CYRIB: variants seen among roughly 807,000 people sequenced by gnomAD.
CYRIB encodes the protein CYFIP related Rac1 interactor B.
Under a neutral mutation model 44.2 loss-of-function variants are expected in CYRIB, and 8 were observed. The ratio of observed to expected loss-of-function variants is 0.18; its 90% confidence interval spans 0.11 to 0.33. The LOEUF (loss-of-function observed/expected upper bound fraction) is 0.33, where lower values mean the gene tolerates loss of function less well. Among genes scored for constraint, CYRIB ranks in the 10% least tolerant of loss-of-function variants. CYRIB has a pLI of 1.00. For missense variants in CYRIB, 185 were observed against 382.8 expected (o/e 0.48, Z 4.31); for synonymous variants, 131 against 127.2 (o/e 1.03, Z -0.20).
rs12677115 is a variant in CYRIB, at chr8:129,845,660, G to A, written c.911+1144C>T. Among the ~76,000 whole-genome samples, 21 of 151,980 alleles carry A rather than the reference G, an allele frequency of 1.4e-4. No individual in the cohort carries two copies. In the East Asian group the frequency reaches 3.3e-3, roughly 24 times the overall value. On this transcript the variant is annotated intron_variant, in intron 11 of 11. Transcript: ENST00000519824. The stretch of plus-strand genomic sequence containing the variant: ...CTTAATAAAATCATTTGACAGTTCC[G>A]CTTAGCTGAAATGATACAGCCTACA...
At chr8:130,002,384 C>T (rs1004447249) in intron 1 of CYRIB, among the ~76,000 whole-genome samples, 2 of 151,866 alleles carry the variant, frequency 1.3e-5, no homozygotes, top group Admixed American at 6.6e-5. Context: ...TCACCTGAGC[C>T]AGAGAGGTCG....
chr8:129,883,108 C>A (rs755091856), intron 2 of CYRIB, among the ~76,000 whole-genome samples: 1 of 109,982 alleles, frequency 9.1e-6, no homozygotes, highest in African/African-American at 4.6e-5. Flanking sequence ...GCTAGACTCC[C>A]TCTCAAAAAA....
At chr8:129,974,105 G>A (rs2132317650) in intron 1 of CYRIB, among the ~76,000 whole-genome samples, 1 of 152,224 alleles carries the variant, frequency 6.6e-6, no homozygotes, top group South Asian at 2.1e-4. Context: ...GCCAAGGCAG[G>A]AGACCCAGAA....
chr8:129,952,645 T>C (rs541955268), intron 2 of CYRIB, among the ~76,000 whole-genome samples: 1 of 151,556 alleles, frequency 6.6e-6, no homozygotes. Context: ...ACAGGAGAAA[T>C]ATGGAAGAGA....
chr8:129,926,848 T>C (rs1459596358), intron 1 of CYRIB, among the ~76,000 whole-genome samples: 1 of 152,212 alleles, frequency 6.6e-6, no homozygotes, highest in East Asian at 1.9e-4. Context: ...TCCACACTCA[T>C]TATCACCAAC....
At chr8:129,939,164 T>G (rs2093341479) in intron 1 of CYRIB, among the ~76,000 whole-genome samples, 2 of 145,216 alleles carry the variant, frequency 1.4e-5, no homozygotes, top group South Asian at 2.2e-4. Context: ...GATAAGGGGG[T>G]GTGGAGCTGG....
chr8:129,973,490 C>T lies in CYRIB; in HGVS notation c.-295-2495G>A, dbSNP rs1037780771. ...TCCCTCCCAGCCCTCAAGGCAGATT[C>T]TATCATCTTCTGAGAGCCCAGGTCC... On this transcript the variant is annotated intron_variant, in intron 1 of 14. Transcript: ENST00000401979. Among the ~76,000 whole-genome samples the T allele has an allele frequency of 3.9e-5, 6 of 152,210 alleles. 1 individual carries two copies. The highest frequency in any genetic ancestry group is 2.6e-4 in the Admixed American group (4 of 15,286).
chr8:129,959,637 A>C (rs2095117469), intron 2 of CYRIB, among the ~76,000 whole-genome samples: 1 of 152,092 alleles, frequency 6.6e-6, no homozygotes, highest in Non-Finnish European at 1.5e-5. Context: ...AAATAAGAAA[A>C]AGGTGAGTGT....
At chr8:129,969,015 C>CTTTTTTTTTTTTTTTTTTTT in intron 2 of CYRIB, among the ~76,000 whole-genome samples, 1 of 76,872 alleles carries the variant, frequency 1.3e-5, no homozygotes, top group Non-Finnish European at 2.3e-5. Context: ...ATTTGTCCTC[C>CTTTTTTTTTTTTTTTTTTTT]TTTTTTTTTT....
At chr8:129,975,311 C>G (rs1280721157) in intron 1 of CYRIB, among the ~76,000 whole-genome samples, 2 of 152,134 alleles carry the variant, frequency 1.3e-5, no homozygotes, top group Non-Finnish European at 2.9e-5. Flanking sequence ...CCACTGTGCC[C>G]GAAACAGATG....
At chr8:129,861,270 C>A (rs1010666040) in intron 5 of CYRIB, among the ~76,000 whole-genome samples, 1 of 152,202 alleles carries the variant, frequency 6.6e-6, no homozygotes, top group South Asian at 2.1e-4. Flanking sequence ...CTTACCTGCT[C>A]TGCCTCCTCC....
At chr8:129,971,854 T>G (rs2095705911) in intron 1 of CYRIB, among the ~76,000 whole-genome samples, 15 of 152,180 alleles carry the variant, frequency 9.9e-5, no homozygotes, top group Admixed American at 9.8e-4. Context: ...CAAAAGCTGA[T>G]GAATTAAAGA....
At chr8:129,939,416 G>T (rs1365948531) in intron 1 of CYRIB, among the ~76,000 whole-genome samples, 1 of 151,624 alleles carries the variant, frequency 6.6e-6, no homozygotes, top group East Asian at 1.9e-4. Context: ...GCAGGCCGGG[G>T]CCGCGGGGCC....
intron 1 of CYRIB, among the ~76,000 whole-genome samples, chr8:129,933,338 G>C (rs944856081): frequency 1.3e-5 from 2 of 152,138 alleles, no homozygotes; most frequent in African/African-American, 4.8e-5. Context: ...AAGATGGACT[G>C]AAGGCCAGAC....
At chr8:129,953,056 T>G (rs2094584573) in intron 2 of CYRIB, among the ~76,000 whole-genome samples, 1 of 152,190 alleles carries the variant, frequency 6.6e-6, no homozygotes, top group Non-Finnish European at 1.5e-5. Flanking sequence ...GCATTTTCAT[T>G]AGCCAACTGA....
chr8:129,879,420 CTCAAGGTCTG>C lies in CYRIB; in HGVS notation c.32_41del (p.Thr11SerfsTer26). 1 of 1,612,454 alleles carries C rather than the reference CTCAAGGTCTG, an allele frequency of 6.2e-7. No homozygotes were observed. The highest frequency in any genetic ancestry group is 8.5e-7 in the Non-Finnish European group (1 of 1,179,514). On this transcript the variant is annotated frameshift_variant, in exon 3 of 12. Transcript: ENST00000519824. LOFTEE classifies it high-confidence loss of function. ...AATCAAGGAAAAAATTTGGCCCCTG[CTCAAGGTCTG>C]TGCATGTCAAAACTTTAAGAAGATT...
chr8:129,903,753 C>A (rs1354515874), intron 1 of CYRIB, among the ~76,000 whole-genome samples: 2 of 152,180 alleles, frequency 1.3e-5, no homozygotes, highest in Non-Finnish European at 2.9e-5. Flanking sequence ...TATTTCTTAT[C>A]ACAGTTTAAG....
chr8:129,846,684 T>A (rs955313973), intron 11 of CYRIB, 120 bp downstream of exon 13: 72 of 662,740 alleles, frequency 1.1e-4, no homozygotes, highest in Admixed American at 1.1e-4. Context: ...GATCTTCATA[T>A]TTCTAGCTTG....
At chr8:129,990,936 G>T (rs1292953661) in intron 1 of CYRIB, among the ~76,000 whole-genome samples, 2 of 151,992 alleles carry the variant, frequency 1.3e-5, no homozygotes, top group Non-Finnish European at 2.9e-5. Context: ...TTCAAGACCA[G>T]CCTGGCCAAC....
Sources: allele counts gnomAD v4.1 joint callset (sites outside exome capture counted in the v4.1 genomes callset), GRCh38; gene constraint gnomAD v4.1.1; transcripts MANE v1.5; gene names NCBI Gene and HGNC (gene_info 2026-07-23, HGNC 2026-07-21).